The following NDUFAF7 variants were observed in gnomAD, a reference collection of about 807,000 sequenced individuals.
NDUFAF7 encodes the protein NADH:ubiquinone oxidoreductase complex assembly factor 7.
A neutral mutation model predicts 47.2 loss-of-function variants in NDUFAF7; 48 were observed. The observed-to-expected ratio is 1.02, with a 90% CI of 0.81 to 1.29. The LOEUF is 1.29. Ranked by LOEUF, NDUFAF7 falls within the 50% of genes most tolerant of loss-of-function variation. The probability of loss-of-function intolerance (pLI) is 0.00; values close to 1 mark genes in which losing one functional copy is unlikely to be tolerated. For synonymous variants in NDUFAF7, 217 were observed against 190.0 expected (o/e 1.14, Z -1.17); for missense variants, 635 against 537.6 (o/e 1.18, Z -1.79).
chr2:37,253,832 T>C (rs140696877), downstream of NDUFAF7, among the ~76,000 whole-genome samples: 377 of 152,306 alleles, frequency 2.5e-3, 3 homozygotes, highest in African/African-American at 8.8e-3. Context: ...TTTTGATAAA[T>C]CTATAAAGTA....
chr2:37,246,292 AT>A, intron 8 of NDUFAF7, 97 bp downstream of exon 8: 1 of 1,359,270 alleles, frequency 7.4e-7, no homozygotes, highest in Non-Finnish European at 1.0e-6. Flanking sequence ...GTATTGTTGT[AT>A]TACATTATTT....
downstream of NDUFAF7, among the ~76,000 whole-genome samples, chr2:37,254,958 A>G (rs761032173): frequency 1.3e-5 from 2 of 152,242 alleles, no homozygotes; most frequent in African/African-American, 2.4e-5. Flanking sequence ...AAGGCAACCA[A>G]TAACTACATA....
chr2:37,250,863 G>A (rs1173928001), downstream of NDUFAF7: 1 of 152,524 alleles, frequency 6.6e-6, no homozygotes, highest in African/African-American at 2.4e-5. Context: ...TTACAAACAC[G>A]ACTTAAAGAC....
intron 7 of NDUFAF7, among the ~76,000 whole-genome samples, chr2:37,245,499 G>A (rs1026839022): frequency 6.6e-6 from 1 of 152,148 alleles, no homozygotes; most frequent in East Asian, 1.9e-4. Context: ...TCAATACATT[G>A]GCACTAGTTT....
chr2:37,242,287 T>A, intron 5 of NDUFAF7: 1 of 277,684 alleles, frequency 3.6e-6, no homozygotes. Context: ...GGGTAAGGGA[T>A]CTCAAGCCAT....
chr2:37,232,964 A>G (rs1665338088), intron 2 of NDUFAF7, among the ~76,000 whole-genome samples: 1 of 152,134 alleles, frequency 6.6e-6, no homozygotes, highest in Non-Finnish European at 1.5e-5. Flanking sequence ...TTGTTGTTGG[A>G]TATGGTAGTG....
chr2:37,247,189 C>G (rs1327977124), intron 8 of NDUFAF7: 6 of 480,714 alleles, frequency 1.2e-5, no homozygotes, highest in Non-Finnish European at 2.3e-5. Context: ...TGGCCTCCAG[C>G]TATGTCTACG....
At chr2:37,238,517 A>T (rs1444849544) in intron 4 of NDUFAF7, among the ~76,000 whole-genome samples, 4 of 152,004 alleles carry the variant, frequency 2.6e-5, no homozygotes, top group African/African-American at 9.7e-5. Flanking sequence ...TTGGGGGGCC[A>T]AGGTGGGAGG....
At chr2:37,242,800 T>C (rs1666493972) in intron 6 of NDUFAF7, 107 bp downstream of exon 6, 1 of 823,528 alleles carries the variant, frequency 1.2e-6, no homozygotes, top group Admixed American at 3.0e-5. Context: ...GTTGAGGTTA[T>C]TTTTAACTAT....
chr2:37,237,080 C>T (rs1665872670), intron 3 of NDUFAF7, among the ~76,000 whole-genome samples: 1 of 152,088 alleles, frequency 6.6e-6, no homozygotes, highest in South Asian at 2.1e-4. Flanking sequence ...AAGCGATTCT[C>T]CTGCCTCAGC....
chr2:37,269,094 G>A, the NDUFAF7 span: 1 of 158,376 alleles, frequency 6.3e-6, no homozygotes, highest in African/African-American at 2.4e-5. Flanking sequence ...TAAGCCCTAT[G>A]AGCTACACAG....
downstream of NDUFAF7, chr2:37,251,921 A>C (rs1173532270): frequency 2.6e-5 from 4 of 152,222 alleles, no homozygotes; most frequent in African/African-American, 9.7e-5. Flanking sequence ...GAAATGAAGA[A>C]ATAAGCCACT....
Position 37,248,606 on chromosome 2 carries a change from C to G in NDUFAF7, c.*256C>G, listed in dbSNP as rs1388163913. ...ACTTACAAAGCTAGTTGCCATATTT[C>G]TATTTTATTTTAAAAAGTAAACATG... On this transcript the variant is annotated 3_prime_UTR_variant, in exon 10 of 10. Coordinates refer to ENST00000002125, the MANE Select transcript of NDUFAF7 (RefSeq NM_144736.5). 8.4e-6 allele frequency: 4 copies of G among 477,666 alleles called. No individual in the cohort carries two copies. The highest frequency in any genetic ancestry group is 6.3e-5 in the South Asian group (3 of 47,328). The allele number at this position is 477,666 out of a possible 1,614,324, so 29.6% of individuals were successfully genotyped here. A position where few individuals can be genotyped will look rare whatever the true frequency, so the allele number is the denominator to read the frequency against.
chr2:37,249,311 TA>T (rs1487105130), downstream of NDUFAF7, among the ~76,000 whole-genome samples: 1 of 152,114 alleles, frequency 6.6e-6, no homozygotes, highest in Non-Finnish European at 1.5e-5. Flanking sequence ...GTGCATTTTT[TA>T]AAAAATTATG....
At chr2:37,247,195 C>G (rs1667018260) in intron 8 of NDUFAF7, 9 of 498,512 alleles carry the variant, frequency 1.8e-5, no homozygotes, top group South Asian at 1.6e-4. Flanking sequence ...CCAGCTATGT[C>G]TACGTTGCTG....
At chr2:37,263,862 C>A in the NDUFAF7 span, among the ~76,000 whole-genome samples, 1 of 152,224 alleles carries the variant, frequency 6.6e-6, no homozygotes, top group East Asian at 1.9e-4. Context: ...ATGCTCACTT[C>A]TGTTAATCAT....
At position 37,248,340 on chromosome 2, in the gene NDUFAF7, C is replaced by T; in HGVS notation, c.1316C>T (p.Ala439Val). ...GTTGTAGCTGGGTTTAGTGAACTTG[C>T]TTGGCAGTGATATTTCAGCTTGGAC... Reference protein sequence around the residue: ...ASVVAGFSELAWQ With the variant: ...ASVVAGFSELVWQ Residue 439 changes from alanine to valine, a missense_variant, in exon 10 of 10, where the codon GCT (alanine) becomes GTT (valine). Transcript: ENST00000002125. The T allele has an allele frequency of 1.2e-6, 2 of 1,613,608 alleles. No homozygotes were observed. Among genetic ancestry groups the T allele is most frequent in the Non-Finnish European group, 1.7e-6 (2 of 1,179,532 alleles).
At chr2:37,240,179 G>A (rs1666210789) in intron 4 of NDUFAF7, among the ~76,000 whole-genome samples, 1 of 151,980 alleles carries the variant, frequency 6.6e-6, no homozygotes, top group African/African-American at 2.4e-5. Context: ...GCCTGTAATC[G>A]CAGCACTTTG....
the NDUFAF7 span, chr2:37,268,304 G>C: frequency 2.1e-6 from 1 of 470,858 alleles, no homozygotes; most frequent in Non-Finnish European, 4.4e-6. Context: ...AAGGTACCTC[G>C]GACAGTTCTT....
Sources: gnomAD v4.1 joint callset for allele counts (sites outside exome capture counted in the v4.1 genomes callset) on GRCh38, gnomAD v4.1.1 for gene constraint, MANE v1.5 for transcripts, NCBI Gene and HGNC (gene_info 2026-07-23, HGNC 2026-07-21) for gene names.